SNTG1: variants seen among roughly 807,000 people sequenced by gnomAD.
The protein encoded by SNTG1 is gamma-1-syntrophin.
Under a neutral mutation model 74.7 loss-of-function variants are expected in SNTG1, and 39 were observed. That is an observed-to-expected ratio of 0.52 (90% CI 0.40 to 0.68). SNTG1 has a LOEUF of 0.68. SNTG1 is among the 30% of genes least tolerant of loss of function. The pLI is 0.00. For missense variants in SNTG1, 685 were observed against 609.5 expected, an observed-to-expected ratio of 1.12 and a Z score of -1.30; for synonymous variants, 254 against 217.1, an observed-to-expected ratio of 1.17 and a Z score of -1.49.
At chr8:50,521,275 G>A (rs2094177378) in intron 9 of SNTG1, among the ~76,000 whole-genome samples, 1 of 152,052 alleles carries the variant, frequency 6.6e-6, no homozygotes, top group African/African-American at 2.4e-5. Context: ...ATGGGGGCTG[G>A]GGGTCTAGGG....
chr8:50,085,173 T>G (rs1822763555), intron 1 of SNTG1, among the ~76,000 whole-genome samples: 2 of 152,204 alleles, frequency 1.3e-5, no homozygotes, highest in Admixed American at 1.3e-4. Context: ...TTTTATTTAC[T>G]TTTATTTTAA....
In SNTG1 at chr8:50,595,227, C is replaced by A. The variant is rs117950482; in HGVS notation, c.849+4310C>A. Among the ~76,000 whole-genome samples, 565 of 151,918 alleles carry A rather than the reference C, an allele frequency of 3.7e-3. 1 individual carries two copies. Among genetic ancestry groups the A allele is most frequent in the South Asian group, 8.5e-3 (41 of 4,814 alleles). On this transcript the variant is annotated intron_variant, in intron 13 of 18. Coordinates refer to ENST00000642720, the MANE Select transcript of SNTG1 (RefSeq NM_018967.5). ...AGTCACACAATCTGAAGATAATGAG[C>A]CTGTTTTTGTTCTGGTCTATTTCAT...
chr8:50,296,284 A>T (rs1474406462), intron 2 of SNTG1, among the ~76,000 whole-genome samples: 1 of 152,228 alleles, frequency 6.6e-6, no homozygotes, highest in Non-Finnish European at 1.5e-5. Context: ...AAGGAATATA[A>T]ATTATTCTAC....
At position 50,204,469 on chromosome 8, in the gene SNTG1, T is replaced by A. The variant is rs191219931; in HGVS notation, c.-28+31834T>A. 1.6e-3 allele frequency among the ~76,000 whole-genome samples: 239 copies of A among 152,288 alleles called. 1 individual carries two copies. The highest frequency in any genetic ancestry group is 5.5e-3 in the African/African-American group (229 of 41,566). ...TGGACTAGATATCTTCCAAATAAAC[T>A]GCAAGTTCATTTTGTATAGCATATT... is the stretch of plus-strand genomic sequence containing the variant. On this transcript the variant is annotated intron_variant, in intron 2 of 18. Transcript: ENST00000642720.
intron 4 of SNTG1, among the ~76,000 whole-genome samples, chr8:50,410,950 G>A (rs755341457): frequency 2.0e-4 from 31 of 152,114 alleles, no homozygotes; most frequent in Non-Finnish European, 4.4e-4. Flanking sequence ...CCCATTCTAA[G>A]TAAATACAAC....
intron 1 of SNTG1, among the ~76,000 whole-genome samples, chr8:50,038,073 G>A (rs1818311281): frequency 6.6e-6 from 1 of 152,086 alleles, no homozygotes; most frequent in Admixed American, 6.6e-5. Context: ...CCTCAGCCTT[G>A]TTCTTTCTTA....
intron 1 of SNTG1, among the ~76,000 whole-genome samples, chr8:49,970,634 C>T (rs1022259744): frequency 1.3e-5 from 2 of 152,144 alleles, no homozygotes; most frequent in South Asian, 2.1e-4. Context: ...TCACTGACCA[C>T]GTAGAGGGTC....
intron 1 of SNTG1, among the ~76,000 whole-genome samples, chr8:50,095,418 C>A (rs562397130): frequency 6.6e-6 from 1 of 152,132 alleles, no homozygotes; most frequent in African/African-American, 2.4e-5. Context: ...ACAGTCTCAG[C>A]GTTGCTCAAA....
chr8:50,511,234 G>A (rs2094070665), intron 9 of SNTG1, among the ~76,000 whole-genome samples: 1 of 152,204 alleles, frequency 6.6e-6, no homozygotes, highest in African/African-American at 2.4e-5. Context: ...TTTTGACTGA[G>A]TTTCTTAATC....
At chr8:50,058,779 C>T (rs1563534202) in intron 1 of SNTG1, among the ~76,000 whole-genome samples, 1 of 150,966 alleles carries the variant, frequency 6.6e-6, no homozygotes, top group East Asian at 2.0e-4. Flanking sequence ...TGTTTAGTGC[C>T]ATGCAATTTT....
intron 15 of SNTG1, 113 bp downstream of exon 15, chr8:50,658,776 G>A (rs779756269): frequency 2.7e-5 from 18 of 663,746 alleles, no homozygotes; most frequent in South Asian, 8.3e-5. Flanking sequence ...GAAGAGACAC[G>A]ATAAAGACAA....
Position 50,556,825 on chromosome 8 carries a change from A to G in SNTG1, c.810+3646A>G, listed in dbSNP as rs113603637. ...CTCCATAGTGAGCTCTGAAGCAGAC[A>G]CTTCTCTTACAAGACTTCAGATGAG... is the stretch of plus-strand genomic sequence containing the variant. On this transcript the variant is annotated intron_variant, in intron 12 of 18. Transcript: ENST00000642720. 5.4e-3 allele frequency among the ~76,000 whole-genome samples: 823 copies of G among 152,266 alleles called. 7 individuals carry two copies. Among genetic ancestry groups the G allele is most frequent in the African/African-American group, 0.018 (768 of 41,560 alleles).
At chr8:50,397,913 AT>A in intron 3 of SNTG1, among the ~76,000 whole-genome samples, 1 of 152,236 alleles carries the variant, frequency 6.6e-6, no homozygotes, top group Non-Finnish European at 1.5e-5. Context: ...AGAAAAATAA[AT>A]TAATACTTCT....
chr8:50,250,100 C>T (rs572776405), intron 2 of SNTG1, among the ~76,000 whole-genome samples: 31 of 150,182 alleles, frequency 2.1e-4, no homozygotes, highest in South Asian at 6.3e-4. Flanking sequence ...ATGATATGAA[C>T]GAAAAATGTA....
chr8:50,436,458 C>T (rs1428450733), intron 4 of SNTG1, among the ~76,000 whole-genome samples: 1 of 151,734 alleles, frequency 6.6e-6, no homozygotes, highest in Non-Finnish European at 1.5e-5. Context: ...TGTGTGTGTG[C>T]GTGCATGTGT....
At chr8:50,567,981 A>G (rs943418433) in intron 12 of SNTG1, among the ~76,000 whole-genome samples, 3 of 151,566 alleles carry the variant, frequency 2.0e-5, no homozygotes, top group Non-Finnish European at 4.4e-5. Context: ...TCATTGGTCA[A>G]CCTCTCCCAA....
At chr8:50,689,676 T>C (rs1440406876) in intron 15 of SNTG1, among the ~76,000 whole-genome samples, 1 of 152,190 alleles carries the variant, frequency 6.6e-6, no homozygotes, top group African/African-American at 2.4e-5. Flanking sequence ...ATTTTTGCAT[T>C]GATGTTCATC....
intron 1 of SNTG1, among the ~76,000 whole-genome samples, chr8:50,031,193 G>T (rs1817713158): frequency 6.6e-6 from 1 of 151,744 alleles, no homozygotes; most frequent in Admixed American, 6.6e-5. Flanking sequence ...GTTGATTTTT[G>T]TGTGTTGATC....
intron 1 of SNTG1, among the ~76,000 whole-genome samples, chr8:50,019,336 T>C (rs547193048): frequency 1.3e-5 from 2 of 152,148 alleles, no homozygotes; most frequent in East Asian, 3.9e-4. Context: ...TGAGAGTGGT[T>C]TTCAGGGACA....
Sources: gnomAD v4.1 joint callset for allele counts (sites outside exome capture counted in the v4.1 genomes callset) on GRCh38, gnomAD v4.1.1 for gene constraint, MANE v1.5 for transcripts, NCBI Gene and HGNC (gene_info 2026-07-23, HGNC 2026-07-21) for gene names.